The following RNF170 variants were observed in gnomAD, a reference collection of about 807,000 sequenced individuals.
RNF170 encodes E3 ubiquitin-protein ligase RNF170.
In RNF170, 12 loss-of-function variants were observed where a neutral mutation model predicts 32.7. The ratio of observed to expected loss-of-function variants is 0.37; its 90% CI spans 0.24 to 0.60. The LOEUF (loss-of-function observed/expected upper bound fraction) is 0.60. Ranked by LOEUF, RNF170 falls within the 20% of genes least tolerant of loss-of-function variation. The pLI, the probability that RNF170 is intolerant of heterozygous loss-of-function variation, is 0.72. For synonymous variants in RNF170, 91 were observed against 103.6 expected, an observed-to-expected ratio of 0.88 and a Z score of 0.74; for missense variants, 212 against 311.2, an observed-to-expected ratio of 0.68 and a Z score of 2.40.
intron 1 of RNF170, among the ~76,000 whole-genome samples, chr8:42,888,459 T>TAA (rs879849612): frequency 7.0e-6 from 1 of 143,426 alleles, no homozygotes. Context: ...TTAACCCCTT[T>TAA]AAAAAAAAAA....
intron 5 of RNF170, among the ~76,000 whole-genome samples, chr8:42,862,707 G>C (rs187569281): frequency 6.6e-6 from 1 of 152,216 alleles, no homozygotes; most frequent in Non-Finnish European, 1.5e-5. Context: ...AAGCACAGAA[G>C]GTGGTGAGAA....
intron 2 of RNF170, among the ~76,000 whole-genome samples, chr8:42,883,852 C>T (rs1805606455): frequency 6.6e-6 from 1 of 152,006 alleles, no homozygotes; most frequent in African/African-American, 2.4e-5. Context: ...AGAGACTTGT[C>T]TGAATTTTAA....
At chr8:42,861,876 A>T in intron 5 of RNF170, 21 bp from the exon 6 acceptor site, 1 of 1,587,348 alleles carries the variant, frequency 6.3e-7, no homozygotes, top group Non-Finnish European at 8.6e-7. Flanking sequence ...CAGAAAAAAA[A>T]ATTATTTCAA....
Position 42,854,175 on chromosome 8 carries a change from C to T in RNF170, c.*1984G>A. ...AGTGTAGAATTCGGATTCATGTCAT[C>T]TCCACAGACCTTTCCTCTTAGGAGT... On this transcript the variant is annotated 3_prime_UTR_variant, in exon 7 of 7. Coordinates refer to ENST00000527424, the MANE Select transcript of RNF170 (RefSeq NM_030954.4). The T allele has an allele frequency of 7.8e-7, 1 of 1,287,056 alleles. No individual in the cohort carries two copies. The highest frequency in any genetic ancestry group is 1.2e-5 in the South Asian group (1 of 80,916). 79.7% of individuals were successfully genotyped at this position (1,287,056 alleles called of 1,614,324 possible).
Position 42,896,527 on chromosome 8 carries a change from A to G in RNF170, c.-51T>C, listed in dbSNP as rs753436028. ...CTACCTCGCCAGTTCCCGGCGACAG[A>G]GGACAGATTATTTCCAGGACCGCTC... On this transcript the variant is annotated 5_prime_UTR_variant, in exon 1 of 7. Transcript: ENST00000527424. The G allele has an allele frequency of 6.6e-6, 3 of 453,816 alleles. No homozygotes were observed. In the Admixed American group the frequency reaches 7.0e-5, roughly 11 times the overall value. The allele number at this position is 453,816 out of a possible 1,614,324, so 28.1% of individuals were successfully genotyped here. A position where few individuals can be genotyped will look rare whatever the true frequency, so the allele number is the denominator to read the frequency against.
At chr8:42,882,860 A>G (rs1269199488) in intron 2 of RNF170, among the ~76,000 whole-genome samples, 1 of 152,084 alleles carries the variant, frequency 6.6e-6, no homozygotes, top group Non-Finnish European at 1.5e-5. Flanking sequence ...CCAGGAGTTC[A>G]AGACCAGTCT....
At chr8:42,858,811 C>T (rs1243120239) in intron 6 of RNF170, among the ~76,000 whole-genome samples, 1 of 152,074 alleles carries the variant, frequency 6.6e-6, no homozygotes, top group Non-Finnish European at 1.5e-5. Flanking sequence ...GTGATTGAGG[C>T]GGTTAACAGA....
At chr8:42,866,780 T>C (rs1804115926) in intron 4 of RNF170, among the ~76,000 whole-genome samples, 1 of 152,238 alleles carries the variant, frequency 6.6e-6, no homozygotes, top group Non-Finnish European at 1.5e-5. Context: ...AGGAAGAGTC[T>C]GGCGACCTCA....
At chr8:42,877,211 C>T (rs1323873839) in intron 2 of RNF170, among the ~76,000 whole-genome samples, 1 of 151,878 alleles carries the variant, frequency 6.6e-6, no homozygotes, top group Non-Finnish European at 1.5e-5. Flanking sequence ...CAGGCGTGAG[C>T]CACTGCGCCT....
chr8:42,884,521 T>C (rs145023145), intron 2 of RNF170, among the ~76,000 whole-genome samples: 221 of 152,272 alleles, frequency 1.5e-3, no homozygotes, highest in African/African-American at 4.9e-3. Context: ...CCTTCAAGCA[T>C]TTTATATGAT....
rs542851903 is a variant in RNF170 at position 42,874,671 on chromosome 8, A to T, written c.138-665T>A. ...GCAGGAGAATTGCTGGAACCCGGGAAGCAGAGGTTGTAGTAAGCTGAGATC... is the reference window on the plus strand; with the variant it reads ...GCAGGAGAATTGCTGGAACCCGGGATGCAGAGGTTGTAGTAAGCTGAGATC... On this transcript the variant is annotated intron_variant, in intron 2 of 6. Coordinates refer to ENST00000527424, the MANE Select transcript of RNF170 (RefSeq NM_030954.4). Among the ~76,000 whole-genome samples the T allele has an allele frequency of 1.1e-4, 16 of 151,768 alleles. No homozygotes were observed. In the East Asian group the frequency reaches 2.7e-3, roughly 26 times the overall value.
chr8:42,873,399 T>C (rs1461033830), intron 3 of RNF170, among the ~76,000 whole-genome samples: 1 of 152,162 alleles, frequency 6.6e-6, no homozygotes, highest in Non-Finnish European at 1.5e-5. Flanking sequence ...GTGTACAATA[T>C]CCTATTTATT....
Position 42,868,798 on chromosome 8 carries a change from G to A in RNF170, c.322+1206C>T, listed in dbSNP as rs1804307634. Among the ~76,000 whole-genome samples the A allele has an allele frequency of 2.0e-5, 3 of 149,940 alleles. No individual in the cohort carries two copies. The Admixed American group carries it at 2.0e-4, about 10-fold the overall frequency. On this transcript the variant is annotated intron_variant, in intron 4 of 6. Transcript: ENST00000527424. ...ACCTGGGAGGCAGAGGTTGCAGTGAGCAGAGATCGCACCATTGCACTCCAG... is the reference window on the plus strand; with the variant it reads ...ACCTGGGAGGCAGAGGTTGCAGTGAACAGAGATCGCACCATTGCACTCCAG...
chr8:42,874,678 GT>G (rs1458581333), intron 2 of RNF170, among the ~76,000 whole-genome samples: 3 of 151,936 alleles, frequency 2.0e-5, no homozygotes, highest in Non-Finnish European at 4.4e-5. Context: ...GGAAGCAGAG[GT>G]TGTAGTAAGC....
Position 42,853,311 on chromosome 8 carries a change from A to G in RNF170, c.*2848T>C, listed in dbSNP as rs1410995660. The stretch of plus-strand genomic sequence containing the variant: ...ATAACACCTTTAAAATGTTTTAGAT[A>G]TGTTGCTTTTATTCAAAAGAATAAA... On this transcript the variant is annotated 3_prime_UTR_variant, in exon 7 of 7. Coordinates refer to ENST00000527424, the MANE Select transcript of RNF170 (RefSeq NM_030954.4). The G allele has an allele frequency of 8.4e-7, 1 of 1,195,174 alleles. No individual in the cohort carries two copies. The highest frequency in any genetic ancestry group is 1.1e-6 in the Non-Finnish European group (1 of 940,204). The allele number at this position is 1,195,174 out of a possible 1,614,324, so 74.0% of individuals were successfully genotyped here.
chr8:42,876,035 C>T (rs925518201), intron 2 of RNF170, among the ~76,000 whole-genome samples: 6 of 152,072 alleles, frequency 3.9e-5, no homozygotes, highest in Non-Finnish European at 8.8e-5. Context: ...CCAGTGAATA[C>T]CTAGCTAAAT....
At chr8:42,896,258 A>G (rs539837590) in intron 1 of RNF170, 4 of 343,234 alleles carry the variant, frequency 1.2e-5, no homozygotes, top group South Asian at 8.7e-5. Flanking sequence ...ACCCACCTAG[A>G]GCCGCTCTCC....
intron 5 of RNF170, among the ~76,000 whole-genome samples, chr8:42,864,639 C>T (rs1415484562): frequency 1.3e-5 from 2 of 151,496 alleles, no homozygotes; most frequent in East Asian, 1.9e-4. Context: ...CAGGTGGCTT[C>T]GATGCTAACT....
rs959754033 is a variant in RNF170, at chr8:42,875,929, G to A, written c.138-1923C>T. ...ATTTTAAAATAAGGCACATTTTTAT[G>A]ATTGAACAGATGATCTGTGAAAGAA... On this transcript the variant is annotated intron_variant, in intron 2 of 6. Coordinates refer to ENST00000527424, the MANE Select transcript of RNF170 (RefSeq NM_030954.4). Among the ~76,000 whole-genome samples, 3 of 152,258 alleles carry A rather than the reference G, an allele frequency of 2.0e-5. No individual in the cohort carries two copies. In the East Asian group the frequency reaches 5.8e-4, roughly 29 times the overall value.
Sources: allele counts gnomAD v4.1 joint callset (sites outside exome capture counted in the v4.1 genomes callset), GRCh38; gene constraint gnomAD v4.1.1; transcripts MANE v1.5; gene names NCBI Gene and HGNC (gene_info 2026-07-23, HGNC 2026-07-21).